SLC2A9: variants seen among roughly 807,000 people sequenced by gnomAD.
The protein encoded by SLC2A9 is solute carrier family 2, facilitated glucose transporter member 9.
Under a neutral mutation model 50.6 loss-of-function variants are expected in SLC2A9, and 39 were observed. That is an observed-to-expected ratio of 0.77 (90% CI 0.60 to 1.01). The LOEUF (loss-of-function observed/expected upper bound fraction) is 1.01, where lower values mean the gene tolerates loss of function less well. Ranked by LOEUF, SLC2A9 falls within the 50% of genes least tolerant of loss-of-function variation. The pLI is 0.00. For missense variants in SLC2A9, 686 were observed against 677.6 expected (o/e 1.01, Z -0.14); for synonymous variants, 324 against 276.9 (o/e 1.17, Z -1.69).
At chr4:9,842,215 T>C (rs886520849) in intron 10 of SLC2A9, among the ~76,000 whole-genome samples, 3 of 152,190 alleles carry the variant, frequency 2.0e-5, no homozygotes, top group African/African-American at 7.2e-5. Context: ...ATGACCATAT[T>C]TACCTAAAAT....
chr4:9,871,635 G>T (rs1733453773), intron 10 of SLC2A9, among the ~76,000 whole-genome samples: 1 of 152,140 alleles, frequency 6.6e-6, no homozygotes, highest in South Asian at 2.1e-4. Flanking sequence ...TTCATCTTGC[G>T]ATCCTTAACT....
At chr4:9,807,477 C>CA (rs1343453762) in intron 3 of SLC2A9, among the ~76,000 whole-genome samples, 2 of 152,270 alleles carry the variant, frequency 1.3e-5, no homozygotes, top group Admixed American at 6.5e-5. Context: ...TGAGACTTGC[C>CA]ACAGACTCTT....
chr4:10,012,138 C>T (rs73805486), intron 2 of SLC2A9, among the ~76,000 whole-genome samples: 4,514 of 152,310 alleles, frequency 0.03, 208 homozygotes, highest in African/African-American at 0.1. Flanking sequence ...AAACCACGCA[C>T]TATCTGGACC....
intron 10 of SLC2A9, among the ~76,000 whole-genome samples, chr4:9,840,695 G>A (rs1294512092): frequency 1.3e-5 from 2 of 152,124 alleles, no homozygotes; most frequent in African/African-American, 4.8e-5. Context: ...CTAGAACCCT[G>A]AGGAAATTGT....
downstream of SLC2A9, among the ~76,000 whole-genome samples, chr4:9,775,798 A>T (rs540345381): frequency 4.6e-5 from 7 of 152,296 alleles, no homozygotes; most frequent in Admixed American, 6.5e-5. Flanking sequence ...TCTTTTCTTT[A>T]TAAATTACCT....
chr4:9,805,687 GTTTTT>G (rs58280694), intron 3 of SLC2A9, among the ~76,000 whole-genome samples: 13 of 117,818 alleles, frequency 1.1e-4, no homozygotes, highest in African/African-American at 1.6e-4. Context: ...CAGGGTGTCA[GTTTTT>G]TTTTTTTTTT....
At chr4:9,782,686 C>T in intron 3 of SLC2A9, 1 of 1,614,038 alleles carries the variant, frequency 6.2e-7, no homozygotes, top group South Asian at 1.1e-5. Context: ...ACTGTGACTC[C>T]AGCCTGAATC....
chr4:9,998,896 C>T (rs761770752), intron 2 of SLC2A9, among the ~76,000 whole-genome samples: 36 of 152,126 alleles, frequency 2.4e-4, no homozygotes, highest in Admixed American at 1.0e-3. Context: ...CAGCCAAAAA[C>T]AAAACATACA....
At chr4:9,947,205 C>T (rs998675) in intron 5 of SLC2A9, among the ~76,000 whole-genome samples, 87,269 of 152,084 alleles carry the variant, frequency 0.57, 26,259 homozygotes, top group African/African-American at 0.77. Flanking sequence ...GAGCACTTTC[C>T]GAGGGTTCTG....
downstream of SLC2A9, among the ~76,000 whole-genome samples, chr4:9,795,126 C>T (rs1032805723): frequency 2.6e-5 from 4 of 151,466 alleles, no homozygotes; most frequent in Non-Finnish European, 5.9e-5. Context: ...ATTCTCCTGC[C>T]TCAGCCTCCG....
chr4:9,779,811 T>A lies in SLC2A9; in HGVS notation n.640A>T, dbSNP rs776752573. ...AGTGGGTAAAACAACATATGGGACA[T>A]GTCAGTACTTGTTAAATATTTGCTG... On this transcript the variant is annotated non_coding_transcript_exon_variant, in exon 4 of 4. Transcript: ENST00000503803. 4 of 152,222 alleles carry A rather than the reference T, an allele frequency of 2.6e-5. No individual in the cohort carries two copies. The East Asian group carries it at 7.7e-4, about 29-fold the overall frequency. 9.4% of individuals were successfully genotyped at this position (152,222 alleles called of 1,614,324 possible).
intron 3 of SLC2A9, among the ~76,000 whole-genome samples, chr4:9,815,317 G>C (rs1723427486): frequency 6.6e-6 from 1 of 152,180 alleles, no homozygotes; most frequent in African/African-American, 2.4e-5. Flanking sequence ...TAAAGAATTG[G>C]GCTGACTTCA....
intron 3 of SLC2A9, among the ~76,000 whole-genome samples, chr4:9,805,132 C>T (rs920416916): frequency 2.0e-5 from 3 of 152,210 alleles, no homozygotes; most frequent in African/African-American, 4.8e-5. Context: ...AGTTAGGCCA[C>T]ATGACACACA....
At chr4:9,996,674 G>T (rs1187860170) in intron 3 of SLC2A9, 107 bp downstream of exon 3, 2 of 1,370,594 alleles carry the variant, frequency 1.5e-6, no homozygotes, top group East Asian at 2.5e-5. Context: ...AATCTCTCCA[G>T]TTGAACTGCC....
chr4:9,833,686 G>A (rs563765921), intron 11 of SLC2A9, among the ~76,000 whole-genome samples: 1 of 152,226 alleles, frequency 6.6e-6, no homozygotes, highest in South Asian at 2.1e-4. Flanking sequence ...CAGAATCTCT[G>A]GGATGTGTTG....
chr4:9,853,003 C>A (rs1023115742), intron 10 of SLC2A9, among the ~76,000 whole-genome samples: 4 of 151,994 alleles, frequency 2.6e-5, no homozygotes, highest in Admixed American at 2.6e-4. Context: ...ATGGTGATAC[C>A]CCATTTCTAC....
At chr4:9,781,776 A>G (rs1407549769) in intron 3 of SLC2A9, 1 of 405,792 alleles carries the variant, frequency 2.5e-6, no homozygotes. Flanking sequence ...GCTGTCAGCG[A>G]GCACCAGCCG....
chr4:9,954,172 A>G (rs1750800653), intron 5 of SLC2A9, among the ~76,000 whole-genome samples: 1 of 152,234 alleles, frequency 6.6e-6, no homozygotes, highest in Non-Finnish European at 1.5e-5. Flanking sequence ...TCCGGGGCTC[A>G]AGAGATCCAC....
chr4:9,844,152 A>AC (rs1560181510), intron 10 of SLC2A9, among the ~76,000 whole-genome samples: 1 of 93,786 alleles, frequency 1.1e-5, no homozygotes, highest in Admixed American at 1.1e-4. Context: ...GATTTAGTAA[A>AC]AAAAAAATAA....
Sources: gnomAD v4.1 joint callset for allele counts (sites outside exome capture counted in the v4.1 genomes callset) on GRCh38, gnomAD v4.1.1 for gene constraint, MANE v1.5 for transcripts, NCBI Gene and HGNC (gene_info 2026-07-23, HGNC 2026-07-21) for gene names.